Variants in NAV3 observed in about 807,000 individuals in gnomAD.
NAV3 encodes the protein pore membrane and/or filament interacting like protein 1.
NAV3 carries 87 observed loss-of-function variants against 244.7 expected under a neutral mutation model. The ratio of observed to expected loss-of-function variants is 0.36; its 90% CI spans 0.30 to 0.42. The LOEUF is 0.42. Ranked by LOEUF, NAV3 falls within the 20% of genes least tolerant of loss-of-function variation. NAV3 has a pLI of 1.00. For synonymous variants in NAV3, 1,126 were observed against 1,042.2 expected, an observed-to-expected ratio of 1.08 and a Z score of -1.55; for missense variants, 2,663 against 2,893.3, an observed-to-expected ratio of 0.92 and a Z score of 1.83.
intron 24 of NAV3, among the ~76,000 whole-genome samples, chr12:78,173,721 A>C (rs1215660833): frequency 6.7e-6 from 1 of 150,346 alleles, no homozygotes; most frequent in Non-Finnish European, 1.5e-5. Flanking sequence ...AAACAATGTT[A>C]AGAGATGAAT....
intron 6 of NAV3, 54 bp from the exon 7 acceptor site, chr12:77,998,283 T>A: frequency 1.5e-6 from 2 of 1,357,670 alleles, no homozygotes; most frequent in Non-Finnish European, 9.7e-7. Flanking sequence ...ACCTCCTGCT[T>A]CTTACCTTTT....
At chr12:77,896,150 C>T (rs1884608639) in intron 1 of NAV3, among the ~76,000 whole-genome samples, 1 of 152,044 alleles carries the variant, frequency 6.6e-6, no homozygotes, top group South Asian at 2.1e-4. Flanking sequence ...TCGCTACTAC[C>T]TTATCCTCTG....
chr12:77,843,432 T>A (rs966262913), intron 1 of NAV3, among the ~76,000 whole-genome samples: 10 of 151,990 alleles, frequency 6.6e-5, no homozygotes, highest in Admixed American at 1.3e-4. Flanking sequence ...TGTGTGTGTA[T>A]CTTATAGGCA....
intron 11 of NAV3, among the ~76,000 whole-genome samples, chr12:78,052,615 C>A (rs1882923439): frequency 1.3e-5 from 2 of 152,116 alleles, no homozygotes; most frequent in Admixed American, 1.3e-4. Flanking sequence ...CATTTATTAT[C>A]ATTAATAACC....
At chr12:77,608,078 T>G (rs1040518533) in intron 2 of NAV3, among the ~76,000 whole-genome samples, 1 of 152,100 alleles carries the variant, frequency 6.6e-6, no homozygotes, top group Non-Finnish European at 1.5e-5. Context: ...TGAAAGACTT[T>G]CAAAGGGAAT....
intron 2 of NAV3, among the ~76,000 whole-genome samples, chr12:77,736,602 G>A (rs1877345001): frequency 6.6e-6 from 1 of 152,224 alleles, no homozygotes; most frequent in South Asian, 2.1e-4. Context: ...TGGTAATTTA[G>A]GGCTCACAGG....
At chr12:77,644,197 T>TC (rs762544485) in intron 2 of NAV3, among the ~76,000 whole-genome samples, 2 of 151,648 alleles carry the variant, frequency 1.3e-5, no homozygotes, top group African/African-American at 2.4e-5. Flanking sequence ...CGAACAGAGG[T>TC]CCCCCCAAAA....
intron 9 of NAV3, among the ~76,000 whole-genome samples, chr12:78,025,595 CAAAAAAAAAAAAA>C (rs1186694789): frequency 2.9e-4 from 16 of 55,564 alleles, no homozygotes; most frequent in South Asian, 6.7e-4. Flanking sequence ...GACTCCATCT[CAAAAAAAAAAAAA>C]AAAAAAAAAA....
chr12:77,832,536 T>G (rs540087882), intron 1 of NAV3, among the ~76,000 whole-genome samples: 1 of 152,318 alleles, frequency 6.6e-6, no homozygotes, highest in East Asian at 1.9e-4. Context: ...ATGTGGTTCA[T>G]GAGAGATTCT....
chr12:78,141,263 AT>A (rs1346999684), intron 20 of NAV3, among the ~76,000 whole-genome samples: 1 of 132,924 alleles, frequency 7.5e-6, no homozygotes, highest in Non-Finnish European at 1.6e-5. Flanking sequence ...ATTATAATTC[AT>A]TTTTGACAAG....
At chr12:77,835,221 T>A (rs908552103) in intron 1 of NAV3, among the ~76,000 whole-genome samples, 1 of 152,196 alleles carries the variant, frequency 6.6e-6, no homozygotes, top group African/African-American at 2.4e-5. Context: ...ACTGGCCTCG[T>A]TATAGTTCCA....
chr12:77,585,764 G>A (rs1347736434), intron 2 of NAV3, among the ~76,000 whole-genome samples: 1 of 152,206 alleles, frequency 6.6e-6, no homozygotes, highest in Admixed American at 6.5e-5. Context: ...CAGGCCACAA[G>A]CCAGTACTGG....
At chr12:77,664,955 G>C (rs1227929963) in intron 2 of NAV3, among the ~76,000 whole-genome samples, 1 of 152,048 alleles carries the variant, frequency 6.6e-6, no homozygotes, top group East Asian at 1.9e-4. Flanking sequence ...ATGTTGTCCA[G>C]GCTGGAGTTG....
chr12:78,179,985 A>T (rs1450902896), intron 29 of NAV3, among the ~76,000 whole-genome samples: 1 of 152,108 alleles, frequency 6.6e-6, no homozygotes. Flanking sequence ...TTGCTTCTTC[A>T]CTTTTCCATC....
chr12:78,137,321 G>A lies in NAV3; in HGVS notation c.4586G>A (p.Arg1529His), dbSNP rs368227685. The A allele has an allele frequency of 6.2e-6, 10 of 1,613,072 alleles. No homozygotes were observed. Among genetic ancestry groups the A allele is most frequent in the Middle Eastern group, 1.6e-4 (1 of 6,078 alleles). Reference protein sequence around the residue: ...GSATSLEERPRAISHSGSFRD... With the variant: ...GSATSLEERPHAISHSGSFRD... ...GCCACTTCTCTGGAGGAAAGACCTC[G>A]TGCCATCAGTCATTCGGGCTCATTC... Residue 1529 changes from arginine (R) to histidine (H), a missense_variant, in exon 19 of 40, where the codon CGT becomes CAT. Coordinates refer to ENST00000397909, the MANE Select transcript of NAV3 (RefSeq NM_001024383.2).
intron 2 of NAV3, among the ~76,000 whole-genome samples, chr12:77,737,427 C>T (rs148767906): frequency 5.9e-5 from 9 of 151,840 alleles, no homozygotes; most frequent in African/African-American, 1.5e-4. Context: ...AGGAAGCAAG[C>T]GTACTTGGAA....
intron 2 of NAV3, among the ~76,000 whole-genome samples, chr12:77,756,942 T>A (rs1164511604): frequency 6.6e-6 from 1 of 152,196 alleles, no homozygotes; most frequent in East Asian, 1.9e-4. Flanking sequence ...AGATTTTAGT[T>A]ACTACTCCCA....
At position 78,014,633 on chromosome 12, in the gene NAV3, A is replaced by G. The variant is rs192975736; in HGVS notation, c.1908-7114A>G. Among the ~76,000 whole-genome samples, 89 of 152,230 alleles carry G rather than the reference A, an allele frequency of 5.8e-4. No individual in the cohort carries two copies. In the East Asian group the frequency reaches 0.011, roughly 19 times the overall value. ...GTGACAGGGAAATTGACATTTTAATATGCTATTTTCCAAAAGGTGGAGAAT... is the reference window on the plus strand; with the variant it reads ...GTGACAGGGAAATTGACATTTTAATGTGCTATTTTCCAAAAGGTGGAGAAT... On this transcript the variant is annotated intron_variant, in intron 8 of 39. Transcript: ENST00000397909.
chr12:77,991,606 G>A (rs1001746259), intron 5 of NAV3, among the ~76,000 whole-genome samples: 1 of 152,134 alleles, frequency 6.6e-6, no homozygotes, highest in Non-Finnish European at 1.5e-5. Flanking sequence ...ATAGACACAG[G>A]TAGGGGGTAT....
Sources: gnomAD v4.1 joint callset for allele counts (sites outside exome capture counted in the v4.1 genomes callset) on GRCh38, gnomAD v4.1.1 for gene constraint, MANE v1.5 for transcripts, NCBI Gene and HGNC (gene_info 2026-07-23, HGNC 2026-07-21) for gene names.